Variants in TAFA2 observed in about 807,000 individuals in gnomAD.
The protein encoded by TAFA2 is TAFA chemokine like family member 2, also known as chemokine-like protein TAFA-2.
Under a neutral mutation model 18.8 loss-of-function variants are expected in TAFA2, and 7 were observed. The observed-to-expected ratio is 0.37, with a 90% confidence interval of 0.21 to 0.70. The LOEUF is 0.70. TAFA2 is among the 30% of genes least tolerant of loss of function. The probability of loss-of-function intolerance (pLI) is 0.53; values close to 1 mark genes in which losing one functional copy is unlikely to be tolerated. For missense variants in TAFA2, 122 were observed against 158.1 expected, an observed-to-expected ratio of 0.77 and a Z score of 1.23; for synonymous variants, 60 against 54.2, an observed-to-expected ratio of 1.11 and a Z score of -0.47.
intron 1 of TAFA2, among the ~76,000 whole-genome samples, chr12:61,990,751 T>C (rs1026289556): frequency 6.6e-6 from 1 of 152,250 alleles, no homozygotes; most frequent in Admixed American, 6.5e-5. Flanking sequence ...AATAAAGCAC[T>C]GTGCAATTAT....
chr12:61,992,196 G>C (rs1303396050), intron 1 of TAFA2, among the ~76,000 whole-genome samples: 1 of 152,056 alleles, frequency 6.6e-6, no homozygotes, highest in Non-Finnish European at 1.5e-5. Flanking sequence ...ACTAGTATTT[G>C]GTTCCATTTA....
chr12:61,716,348 G>C (rs1013649941), intron 4 of TAFA2, among the ~76,000 whole-genome samples: 4 of 152,086 alleles, frequency 2.6e-5, no homozygotes, highest in Non-Finnish European at 5.9e-5. Flanking sequence ...TGGCACTTCA[G>C]TTTATCTACA....
intron 1 of TAFA2, among the ~76,000 whole-genome samples, chr12:61,929,902 A>G (rs1010568806): frequency 6.6e-6 from 1 of 151,976 alleles, no homozygotes; most frequent in African/African-American, 2.4e-5. Flanking sequence ...AACTATCACA[A>G]GGACAAAAAG....
At chr12:61,814,537 C>A (rs1872000530) in intron 2 of TAFA2, among the ~76,000 whole-genome samples, 1 of 151,180 alleles carries the variant, frequency 6.6e-6, no homozygotes, top group South Asian at 2.1e-4. Context: ...TAGAAAAGGG[C>A]AAGAGTAGGA....
intron 2 of TAFA2, among the ~76,000 whole-genome samples, chr12:61,865,768 G>T (rs1169514881): frequency 6.6e-6 from 1 of 152,182 alleles, no homozygotes; most frequent in Non-Finnish European, 1.5e-5. Flanking sequence ...ACAGGGGAAA[G>T]TATCTTTATC....
At chr12:62,099,677 A>C (rs886999182) in intron 1 of TAFA2, among the ~76,000 whole-genome samples, 1 of 152,196 alleles carries the variant, frequency 6.6e-6, no homozygotes. Flanking sequence ...ATGAGGAGGC[A>C]AATAATACAC....
At chr12:62,229,911 A>T (rs2062804890) in intron 1 of TAFA2, among the ~76,000 whole-genome samples, 1 of 151,818 alleles carries the variant, frequency 6.6e-6, no homozygotes, top group Non-Finnish European at 1.5e-5. Flanking sequence ...TTCATTATTC[A>T]TTACTGGTGA....
At chr12:61,806,618 C>A (rs1356734212) in intron 2 of TAFA2, among the ~76,000 whole-genome samples, 1 of 152,112 alleles carries the variant, frequency 6.6e-6, no homozygotes, top group Non-Finnish European at 1.5e-5. Flanking sequence ...CAGAAGAAGA[C>A]AGAAAAATGT....
chr12:61,718,809 A>T (rs542850235), intron 4 of TAFA2, among the ~76,000 whole-genome samples: 1 of 152,320 alleles, frequency 6.6e-6, no homozygotes, highest in African/African-American at 2.4e-5. Context: ...TCTGCCAGAA[A>T]GCTTTACTTT....
In TAFA2 at chr12:61,799,691, T is replaced by G. The variant is rs111375434; in HGVS notation, c.107-44667A>C. ...CAAAAAATTAGCCGGGCGTGGTGGCTGGCGCCTGTAGTCCCAGCTACTCGG... is the reference window on the plus strand; with the variant it reads ...CAAAAAATTAGCCGGGCGTGGTGGCGGGCGCCTGTAGTCCCAGCTACTCGG... On this transcript the variant is annotated intron_variant, in intron 2 of 4. Transcript: ENST00000416284. 4.1e-3 allele frequency among the ~76,000 whole-genome samples: 622 copies of G among 151,954 alleles called. 1 individual carries two copies. The highest frequency in any genetic ancestry group is 7.7e-3 in the African/African-American group (321 of 41,480).
chr12:62,004,765 T>C (rs1022215242), intron 1 of TAFA2, among the ~76,000 whole-genome samples: 3 of 152,054 alleles, frequency 2.0e-5, no homozygotes, highest in African/African-American at 7.2e-5. Flanking sequence ...ATAGTCGAGA[T>C]ATGAAAACAA....
chr12:62,159,563 C>A (rs192766708), intron 1 of TAFA2, among the ~76,000 whole-genome samples: 1 of 152,286 alleles, frequency 6.6e-6, no homozygotes, highest in African/African-American at 2.4e-5. Flanking sequence ...CAACAAGTCT[C>A]AGCTTTTAAA....
At chr12:61,984,353 T>C (rs1879744827) in intron 1 of TAFA2, among the ~76,000 whole-genome samples, 1 of 152,222 alleles carries the variant, frequency 6.6e-6, no homozygotes, top group African/African-American at 2.4e-5. Flanking sequence ...CTGTAGAATG[T>C]GCAGGAGAAC....
At chr12:61,744,229 A>C (rs1165123470) in intron 4 of TAFA2, among the ~76,000 whole-genome samples, 2 of 152,102 alleles carry the variant, frequency 1.3e-5, no homozygotes, top group East Asian at 3.9e-4. Flanking sequence ...ATGGTGCTCA[A>C]ACTGGTCCTA....
intron 2 of TAFA2, among the ~76,000 whole-genome samples, chr12:61,863,331 C>A (rs1051926040): frequency 6.6e-6 from 1 of 152,198 alleles, no homozygotes; most frequent in South Asian, 2.1e-4. Flanking sequence ...ATTAGGTATA[C>A]AGATGATCCA....
chr12:61,722,127 G>T (rs1364079480), intron 4 of TAFA2, among the ~76,000 whole-genome samples: 1 of 151,998 alleles, frequency 6.6e-6, no homozygotes, highest in African/African-American at 2.4e-5. Context: ...TAGTAATTTA[G>T]GCTCCGACAA....
At chr12:62,095,086 C>G (rs556716516) in intron 1 of TAFA2, among the ~76,000 whole-genome samples, 1 of 152,144 alleles carries the variant, frequency 6.6e-6, no homozygotes, top group African/African-American at 2.4e-5. Flanking sequence ...GCTAGGGAAT[C>G]TGAGTGACAT....
At chr12:61,777,282 C>T (rs1870305196) in intron 2 of TAFA2, among the ~76,000 whole-genome samples, 1 of 151,852 alleles carries the variant, frequency 6.6e-6, no homozygotes, top group South Asian at 2.1e-4. Flanking sequence ...GCTTCAGTTT[C>T]CTCATCTGCA....
At chr12:61,855,980 C>T (rs1036764789) in intron 2 of TAFA2, among the ~76,000 whole-genome samples, 1 of 152,004 alleles carries the variant, frequency 6.6e-6, no homozygotes, top group African/African-American at 2.4e-5. Context: ...AAAGGTTTCA[C>T]TCAATATTAA....
Sources: gnomAD v4.1 joint callset for allele counts (sites outside exome capture counted in the v4.1 genomes callset) on GRCh38, gnomAD v4.1.1 for gene constraint, MANE v1.5 for transcripts, NCBI Gene and HGNC (gene_info 2026-07-23, HGNC 2026-07-21) for gene names.